RASEF: variants seen among roughly 807,000 people sequenced by gnomAD.
RASEF encodes RAS and EF-hand domain containing.
In RASEF, 68 loss-of-function variants were observed where a neutral mutation model predicts 90.1. The observed-to-expected ratio is 0.75, with a 90% CI of 0.62 to 0.92. RASEF has a LOEUF of 0.92. Ranked by LOEUF, RASEF falls within the 40% of genes least tolerant of loss-of-function variation. The probability of loss-of-function intolerance (pLI) is 0.00; values close to 1 mark genes in which losing one functional copy is unlikely to be tolerated. For missense variants in RASEF, 949 were observed against 937.2 expected, an observed-to-expected ratio of 1.01 and a Z score of -0.16; for synonymous variants, 331 against 345.2, an observed-to-expected ratio of 0.96 and a Z score of 0.46.
intron 2 of RASEF, among the ~76,000 whole-genome samples, chr9:83,025,131 A>T (rs73469429): frequency 0.029 from 4,479 of 152,264 alleles, 199 homozygotes; most frequent in African/African-American, 0.1. Flanking sequence ...TTAACACCAA[A>T]AAGATATCCT....
chr9:83,072,570 C>CCTT, the RASEF span, among the ~76,000 whole-genome samples: 1 of 152,208 alleles, frequency 6.6e-6, no homozygotes, highest in African/African-American at 2.4e-5. Flanking sequence ...AACAGTGCAG[C>CCTT]CTTCAGTATG....
the RASEF span, among the ~76,000 whole-genome samples, chr9:83,212,031 TG>T: frequency 6.6e-6 from 1 of 152,172 alleles, no homozygotes; most frequent in Non-Finnish European, 1.5e-5. Flanking sequence ...CCTTAGTGTG[TG>T]GGTGTATGTG....
intron 16 of RASEF, among the ~76,000 whole-genome samples, chr9:82,985,318 T>C (rs1227217042): frequency 2.0e-5 from 3 of 152,042 alleles, no homozygotes; most frequent in African/African-American, 4.8e-5. Context: ...GAAGCAAAAG[T>C]GGAAACCGCT....
At chr9:83,072,263 A>G in the RASEF span, among the ~76,000 whole-genome samples, 3 of 152,152 alleles carry the variant, frequency 2.0e-5, no homozygotes, top group East Asian at 1.9e-4. Flanking sequence ...CCTTCTGCCC[A>G]TGTACCCTGC....
At chr9:83,036,627 T>TTAAC (rs1419376832) in intron 1 of RASEF, among the ~76,000 whole-genome samples, 1 of 152,174 alleles carries the variant, frequency 6.6e-6, no homozygotes, top group Non-Finnish European at 1.5e-5. Flanking sequence ...CTCCAAATGG[T>TTAAC]TAACTGTCAT....
chr9:83,055,467 C>G (rs534971008), intron 1 of RASEF: 11 of 662,152 alleles, frequency 1.7e-5, no homozygotes, highest in South Asian at 1.5e-4. Context: ...TGAGATGAAC[C>G]CGGTACCTCA....
At chr9:83,005,624 T>C in intron 7 of RASEF, 124 bp from the exon 8 acceptor site, 1 of 719,454 alleles carries the variant, frequency 1.4e-6, no homozygotes, top group Admixed American at 2.3e-5. Flanking sequence ...TCTGCAACTT[T>C]CCACCACTTC....
chr9:83,080,722 G>T, the RASEF span, among the ~76,000 whole-genome samples: 1 of 151,980 alleles, frequency 6.6e-6, no homozygotes, highest in African/African-American at 2.4e-5. Flanking sequence ...AAATTTCATG[G>T]TACTATCCAT....
At chr9:83,072,223 A>G in the RASEF span, among the ~76,000 whole-genome samples, 2 of 152,106 alleles carry the variant, frequency 1.3e-5, no homozygotes, top group African/African-American at 4.8e-5. Flanking sequence ...CCTTCTAAGT[A>G]TCCCACAGGA....
chr9:83,118,000 C>A, the RASEF span, among the ~76,000 whole-genome samples: 10 of 152,246 alleles, frequency 6.6e-5, no homozygotes, highest in South Asian at 2.1e-3. Flanking sequence ...GTTAGTAGAT[C>A]ACTTAATGTC....
chr9:83,187,506 G>T, the RASEF span, among the ~76,000 whole-genome samples: 1 of 152,008 alleles, frequency 6.6e-6, no homozygotes, highest in African/African-American at 2.4e-5. Context: ...ATGACCTAAG[G>T]ATGGCAAAAC....
chr9:83,159,672 A>G, the RASEF span, among the ~76,000 whole-genome samples: 1 of 152,232 alleles, frequency 6.6e-6, no homozygotes, highest in Non-Finnish European at 1.5e-5. Flanking sequence ...GAAAACCTAC[A>G]AATTTGCACC....
At chr9:83,130,355 A>G in the RASEF span, among the ~76,000 whole-genome samples, 1 of 152,142 alleles carries the variant, frequency 6.6e-6, no homozygotes, top group East Asian at 1.9e-4. Flanking sequence ...AGCCTCCCCA[A>G]TTATCAACAT....
chr9:82,999,984 GACACACACACACAC>G (rs55873985), intron 12 of RASEF, among the ~76,000 whole-genome samples, 171 bp downstream of exon 12: 10,357 of 141,030 alleles, frequency 0.073, 477 homozygotes, highest in East Asian at 0.19. Flanking sequence ...TAGACTAGGA[GACACACACACACAC>G]ACACACACAC....
the RASEF span, among the ~76,000 whole-genome samples, chr9:83,089,937 GAT>G: frequency 6.7e-6 from 1 of 148,676 alleles, no homozygotes; most frequent in Admixed American, 6.7e-5. Flanking sequence ...TAGATAGATA[GAT>G]AGATAGATAT....
chr9:83,110,669 T>A, the RASEF span, among the ~76,000 whole-genome samples: 1 of 152,092 alleles, frequency 6.6e-6, no homozygotes, highest in Non-Finnish European at 1.5e-5. Flanking sequence ...ATAAACCATG[T>A]TCACCCCAAA....
chr9:82,993,252 G>T (rs771493020), intron 14 of RASEF, among the ~76,000 whole-genome samples: 1 of 152,108 alleles, frequency 6.6e-6, no homozygotes, highest in Non-Finnish European at 1.5e-5. Context: ...AAGGTATAAG[G>T]GTCAGGGCCT....
the RASEF span, among the ~76,000 whole-genome samples, chr9:83,134,950 C>T: frequency 6.6e-6 from 1 of 152,094 alleles, no homozygotes; most frequent in Non-Finnish European, 1.5e-5. Flanking sequence ...TATGGATGAA[C>T]TTTGAAAACC....
intron 1 of RASEF, among the ~76,000 whole-genome samples, chr9:83,038,359 T>C (rs1390207692): frequency 6.6e-6 from 1 of 150,664 alleles, no homozygotes; most frequent in Non-Finnish European, 1.5e-5. Context: ...CTTGAGAGTG[T>C]CTTCTTAATT....
Sources: gnomAD v4.1 joint callset for allele counts (sites outside exome capture counted in the v4.1 genomes callset) on GRCh38, gnomAD v4.1.1 for gene constraint, MANE v1.5 for transcripts, NCBI Gene and HGNC (gene_info 2026-07-23, HGNC 2026-07-21) for gene names.